Variants in MCUB observed in about 807,000 individuals in gnomAD.
The protein encoded by MCUB is mitochondrial calcium uniporter dominant negative subunit beta.
In MCUB, 46 loss-of-function variants were observed where a neutral mutation model predicts 41.4. That is an observed-to-expected ratio of 1.11 (90% CI 0.88 to 1.42). The LOEUF is 1.42. Ranked by LOEUF, MCUB falls within the 40% of genes most tolerant of loss-of-function variation. MCUB has a pLI of 0.00. For missense variants in MCUB, 403 were observed against 404.9 expected (o/e 1.00, Z 0.04); for synonymous variants, 148 against 148.2 (o/e 1.00, Z 0.01).
chr4:109,646,474 C>G (rs1262270416), intron 1 of MCUB, among the ~76,000 whole-genome samples: 3 of 152,126 alleles, frequency 2.0e-5, no homozygotes, highest in South Asian at 2.1e-4. Context: ...TCTATTGTAC[C>G]AGATTCTAAA....
intron 1 of MCUB, among the ~76,000 whole-genome samples, chr4:109,597,121 C>G (rs1194784860): frequency 1.3e-5 from 2 of 151,108 alleles, no homozygotes; most frequent in African/African-American, 4.9e-5. Context: ...AAAAGTCTCC[C>G]ATGTCTACTT....
intron 1 of MCUB, among the ~76,000 whole-genome samples, chr4:109,566,687 A>G (rs1726785880): frequency 6.6e-6 from 1 of 152,190 alleles, no homozygotes; most frequent in Non-Finnish European, 1.5e-5. Context: ...TTTAAGACCA[A>G]TTAGACGAAT....
intron 1 of MCUB, among the ~76,000 whole-genome samples, chr4:109,636,410 A>T (rs768692755): frequency 2.6e-5 from 4 of 152,198 alleles, no homozygotes; most frequent in Non-Finnish European, 4.4e-5. Context: ...GAGTGAGATA[A>T]GAGAGGGTAG....
At chr4:109,599,694 A>G (rs1243412762) in intron 1 of MCUB, among the ~76,000 whole-genome samples, 2 of 151,746 alleles carry the variant, frequency 1.3e-5, no homozygotes, top group African/African-American at 4.8e-5. Context: ...TTTTTAAGAC[A>G]GAATCTCGCT....
intron 4 of MCUB, among the ~76,000 whole-genome samples, chr4:109,679,622 C>T (rs908526739): frequency 1.3e-5 from 2 of 152,046 alleles, no homozygotes; most frequent in African/African-American, 2.4e-5. Flanking sequence ...ACTGGGAGAC[C>T]GTAGAGAGGG....
chr4:109,631,100 A>G (rs1377812979), intron 1 of MCUB, among the ~76,000 whole-genome samples: 1 of 152,224 alleles, frequency 6.6e-6, no homozygotes, highest in East Asian at 1.9e-4. Context: ...GGCAACTCAG[A>G]TGAGATCAAG....
intron 1 of MCUB, among the ~76,000 whole-genome samples, chr4:109,575,666 C>G (rs1727010050): frequency 6.6e-6 from 1 of 152,170 alleles, no homozygotes. Flanking sequence ...AAAGTCTAAC[C>G]TCTCTTGGAG....
At chr4:109,640,962 T>C (rs945245806) in intron 1 of MCUB, among the ~76,000 whole-genome samples, 1 of 152,226 alleles carries the variant, frequency 6.6e-6, no homozygotes, top group African/African-American at 2.4e-5. Context: ...GTAAGAGATA[T>C]GCCACTCTTC....
rs191178767 is a variant in MCUB at position 109,564,500 on chromosome 4, G to A, written c.99+4064G>A. ...TCTCTTTCACTGTTCCCTATTTCTT[G>A]CCCTCAAATCTATTCCAAAAAAATT... On this transcript the variant is annotated intron_variant, in intron 1 of 7. Transcript: ENST00000394650. Among the ~76,000 whole-genome samples, 70 of 152,120 alleles carry A rather than the reference G, an allele frequency of 4.6e-4. 1 individual carries two copies. Among genetic ancestry groups the A allele is most frequent in the African/African-American group, 1.6e-3 (68 of 41,484 alleles).
At chr4:109,576,659 C>G (rs189678223) in intron 1 of MCUB, among the ~76,000 whole-genome samples, 6 of 151,504 alleles carry the variant, frequency 4.0e-5, no homozygotes, top group Admixed American at 3.3e-4. Context: ...CAACAGGAAA[C>G]AGATGGCCCA....
intron 1 of MCUB, among the ~76,000 whole-genome samples, chr4:109,616,726 C>G (rs1728135358): frequency 6.6e-6 from 1 of 152,124 alleles, no homozygotes; most frequent in Non-Finnish European, 1.5e-5. Context: ...ATCTTACCTT[C>G]CATCTTCTCT....
intron 1 of MCUB, among the ~76,000 whole-genome samples, chr4:109,638,549 C>G (rs1397274752): frequency 6.6e-6 from 1 of 151,998 alleles, no homozygotes; most frequent in Non-Finnish European, 1.5e-5. Context: ...GATGACTGAT[C>G]AGGATGGTGG....
intron 3 of MCUB, among the ~76,000 whole-genome samples, chr4:109,663,234 G>A (rs1729265534): frequency 6.6e-6 from 1 of 152,180 alleles, no homozygotes; most frequent in East Asian, 1.9e-4. Flanking sequence ...GTAATTATAT[G>A]TGAACTATTC....
chr4:109,619,009 T>A (rs548386205), intron 1 of MCUB, among the ~76,000 whole-genome samples: 2 of 141,726 alleles, frequency 1.4e-5, no homozygotes, highest in Non-Finnish European at 3.1e-5. Context: ...CCTACCTACC[T>A]ACCTACCTAT....
intron 1 of MCUB, among the ~76,000 whole-genome samples, chr4:109,642,893 A>ATTTTTT (rs34076028): frequency 1.8e-5 from 2 of 111,132 alleles, no homozygotes; most frequent in African/African-American, 6.7e-5. Flanking sequence ...TCTCAGCTAG[A>ATTTTTT]TTTTTTTTTT....
chr4:109,682,880 G>A, intron 5 of MCUB, 138 bp downstream of exon 5: 2 of 609,004 alleles, frequency 3.3e-6, no homozygotes, highest in South Asian at 4.4e-5. Flanking sequence ...TGTAAGTTCA[G>A]TGCTTTTATC....
Position 109,664,308 on chromosome 4 carries a change from C to T in MCUB, c.365C>T (p.Ala122Val), listed in dbSNP as rs768046470. 12 of 1,560,224 alleles carry T rather than the reference C, an allele frequency of 7.7e-6. 1 individual carries two copies. The highest frequency in any genetic ancestry group is 9.7e-6 in the Non-Finnish European group (11 of 1,131,262). ...CTTTCAGATGGCAACATGATTTCAGCTTCTACCTTGATGGATATTTTGCTA... is the reference window on the plus strand; with the variant it reads ...CTTTCAGATGGCAACATGATTTCAGTTTCTACCTTGATGGATATTTTGCTA... ...IFTADGNMIS[A>V]STLMDILLMN... The change falls in exon 4 of 8, where the codon GCT (alanine) becomes GTT (valine). Residue 122 changes from alanine (A) to valine (V), a missense_variant. Coordinates refer to ENST00000394650, the MANE Select transcript of MCUB (RefSeq NM_017918.5).
At chr4:109,624,750 G>A (rs1372249451) in intron 1 of MCUB, among the ~76,000 whole-genome samples, 1 of 152,184 alleles carries the variant, frequency 6.6e-6, no homozygotes, top group Non-Finnish European at 1.5e-5. Flanking sequence ...TTAGAAGAAA[G>A]GGATGTCATT....
chr4:109,641,053 C>A (rs1347461320), intron 1 of MCUB, among the ~76,000 whole-genome samples: 1 of 152,024 alleles, frequency 6.6e-6, no homozygotes. Context: ...ATAGGGAGGC[C>A]CCAGGAGAGG....
Sources: gnomAD v4.1 joint callset for allele counts (sites outside exome capture counted in the v4.1 genomes callset) on GRCh38, gnomAD v4.1.1 for gene constraint, MANE v1.5 for transcripts, NCBI Gene and HGNC (gene_info 2026-07-23, HGNC 2026-07-21) for gene names.